The following PCDHGA11 variants were observed in gnomAD, a reference collection of about 807,000 sequenced individuals.
The protein encoded by PCDHGA11 is protocadherin gamma-A11.
Under a neutral mutation model 60.4 loss-of-function variants are expected in PCDHGA11, and 39 were observed. The observed-to-expected ratio is 0.65, with a 90% CI of 0.50 to 0.84. The LOEUF (loss-of-function observed/expected upper bound fraction) is 0.84. Among genes scored for constraint, PCDHGA11 ranks in the 40% least tolerant of loss-of-function variants. The probability of loss-of-function intolerance (pLI) is 0.00; values close to 1 mark genes in which losing one functional copy is unlikely to be tolerated. For missense variants in PCDHGA11, 1,165 were observed against 1,197.7 expected (o/e 0.97, Z 0.40); for synonymous variants, 533 against 510.3 (o/e 1.04, Z -0.60).
At chr5:141,501,326 CACACACA>C (rs1562200783) in intron 2 of PCDHGA11, among the ~76,000 whole-genome samples, 10 of 151,784 alleles carry the variant, frequency 6.6e-5, no homozygotes, top group African/African-American at 1.9e-4. Flanking sequence ...CACACACACA[CACACACA>C]CCCCAAACTC....
Position 141,487,399 on chromosome 5 carries a change from G to T in PCDHGA11, c.2434-7408G>T, listed in dbSNP as rs749826036. 6.2e-7 allele frequency: 1 copy of T among 1,614,140 alleles called. No individual in the cohort carries two copies. The highest frequency in any genetic ancestry group is 8.5e-7 in the Non-Finnish European group (1 of 1,180,014). ...TCACCAGATCTCGAAGGAGGGAGGG[G>T]CTTCCCCCTTCCAATGGGATCCTCC... On this transcript the variant is annotated intron_variant, in intron 1 of 3. Transcript: ENST00000398587. The surrounding 1 kb of genome is among the most constrained non-coding windows in gnomAD (Gnocchi z 5.0).
At chr5:141,424,129 T>G in intron 1 of PCDHGA11, 1 of 492,066 alleles carries the variant, frequency 2.0e-6, no homozygotes, top group Non-Finnish European at 2.7e-6. Context: ...TCCTGTTGAT[T>G]TAATAGCATG....
At chr5:141,475,046 T>C (rs1430484084) in intron 1 of PCDHGA11, among the ~76,000 whole-genome samples, 1 of 152,274 alleles carries the variant, frequency 6.6e-6, no homozygotes, top group African/African-American at 2.4e-5. Context: ...CTTTGTATTT[T>C]CTAAAGATTT....
intron 1 of PCDHGA11, among the ~76,000 whole-genome samples, chr5:141,467,039 A>G (rs1467529268): frequency 2.6e-5 from 4 of 150,960 alleles, no homozygotes; most frequent in Non-Finnish European, 5.9e-5. Context: ...TTTTTTGTGT[A>G]ATGAATCAAT....
chr5:141,470,538 A>G (rs2099232733), intron 1 of PCDHGA11, among the ~76,000 whole-genome samples: 1 of 152,140 alleles, frequency 6.6e-6, no homozygotes, highest in African/African-American at 2.4e-5. Context: ...GTATCAGGTA[A>G]TATTTATTGA....
At position 141,492,138 on chromosome 5, in the gene PCDHGA11, T is replaced by C. The variant is rs577884713; in HGVS notation, c.2434-2669T>C. ...ATTTCTCCCCAGCTCCCAGCATCTG[T>C]GACTTCACTGTTACCCTCCCTATCC... On this transcript the variant is annotated intron_variant, in intron 1 of 3. Coordinates refer to ENST00000398587, the MANE Select transcript of PCDHGA11 (RefSeq NM_018914.3). 2.4e-3 allele frequency among the ~76,000 whole-genome samples: 366 copies of C among 152,312 alleles called. 1 individual carries two copies. Among genetic ancestry groups the C allele is most frequent in the Non-Finnish European group, 3.5e-3 (238 of 68,014 alleles).
rs201424832 is a variant in PCDHGA11 at position 141,490,802 on chromosome 5, C to T, written c.2434-4005C>T. On this transcript the variant is annotated intron_variant, in intron 1 of 3. Transcript: ENST00000398587. This position sits in a 1 kb window ranked among gnomAD's most constrained non-coding sequence, Gnocchi z 5.4. Reference sequence around the variant, plus strand: ...GATGGACGGATCTTTGCCCAGCGTACCTTTGACTATGAATTGCTGCAGATG... The same window carrying T: ...GATGGACGGATCTTTGCCCAGCGTATCTTTGACTATGAATTGCTGCAGATG... 1 of 1,613,944 alleles carries T rather than the reference C, an allele frequency of 6.2e-7. No homozygotes were observed. Among genetic ancestry groups the T allele is most frequent in the East Asian group, 2.2e-5 (1 of 44,886 alleles).
Position 141,476,220 on chromosome 5 carries a change from A to G in PCDHGA11, c.2434-18587A>G, listed in dbSNP as rs770978000. On this transcript the variant is annotated intron_variant, in intron 1 of 3. Coordinates refer to ENST00000398587, the MANE Select transcript of PCDHGA11 (RefSeq NM_018914.3). This position sits in a 1 kb window ranked among gnomAD's most constrained non-coding sequence, Gnocchi z 7.6. Reference sequence around the variant, plus strand: ...AACAAGGCTTCCACGGTCATTCACTATGAGATCCCGGAGGAAAGAGAGAAG... The same window carrying G: ...AACAAGGCTTCCACGGTCATTCACTGTGAGATCCCGGAGGAAAGAGAGAAG... 44 of 1,613,884 alleles carry G rather than the reference A, an allele frequency of 2.7e-5. No individual in the cohort carries two copies. The highest frequency in any genetic ancestry group is 3.4e-5 in the Non-Finnish European group (40 of 1,180,004).
chr5:141,444,494 A>G (rs892854259), intron 1 of PCDHGA11, among the ~76,000 whole-genome samples: 1 of 152,010 alleles, frequency 6.6e-6, no homozygotes, highest in Admixed American at 6.6e-5. Flanking sequence ...ATATTGTGTA[A>G]TACTTTGCTC....
chr5:141,497,512 T>C (rs903352739), intron 2 of PCDHGA11, among the ~76,000 whole-genome samples: 2 of 151,896 alleles, frequency 1.3e-5, no homozygotes, highest in Admixed American at 1.3e-4. Flanking sequence ...TCTGCTTCCT[T>C]AGTTAACTTG....
At chr5:141,496,076 C>A (rs2099765713) in intron 2 of PCDHGA11, among the ~76,000 whole-genome samples, 1 of 152,010 alleles carries the variant, frequency 6.6e-6, no homozygotes, top group Non-Finnish European at 1.5e-5. Context: ...GCACACACAA[C>A]CCCCCACCCA....
In PCDHGA11 at chr5:141,481,399, T is replaced by G. The variant is rs35677249; in HGVS notation, c.2434-13408T>G. 1.9e-3 allele frequency among the ~76,000 whole-genome samples: 284 copies of G among 152,356 alleles called. 1 individual carries two copies. Among genetic ancestry groups the G allele is most frequent in the Middle Eastern group, 0.01 (3 of 294 alleles). ...TTCTTTTTGGAGGGATGTGACAAAA[T>G]TCTTGTATAATTAGATTGTGATGAT... is the stretch of plus-strand genomic sequence containing the variant. On this transcript the variant is annotated intron_variant, in intron 1 of 3. Transcript: ENST00000398587.
At chr5:141,461,328 A>G (rs2154567322) in intron 1 of PCDHGA11, among the ~76,000 whole-genome samples, 1 of 152,282 alleles carries the variant, frequency 6.6e-6, no homozygotes, top group East Asian at 1.9e-4. Flanking sequence ...AATAATGGCC[A>G]TTCTTGCAGG....
rs201006002 is a variant in PCDHGA11, at chr5:141,432,497, C to T, written c.2433+8837C>T. 7 of 1,614,062 alleles carry T rather than the reference C, an allele frequency of 4.3e-6. 1 individual carries two copies. In the South Asian group the frequency reaches 6.6e-5, roughly 15 times the overall value. On this transcript the variant is annotated intron_variant, in intron 1 of 3. Transcript: ENST00000398587. This position sits in a 1 kb window ranked among gnomAD's most constrained non-coding sequence, Gnocchi z 6.0. Reference sequence around the variant, plus strand: ...TTCCACTGGCGTGGAGCTGGCTCCCCGCTCCGCAGAGCCCGGCTACCTGGT... The same window carrying T: ...TTCCACTGGCGTGGAGCTGGCTCCCTGCTCCGCAGAGCCCGGCTACCTGGT...
chr5:141,447,078 G>A (rs531206989), intron 1 of PCDHGA11, among the ~76,000 whole-genome samples: 5 of 152,018 alleles, frequency 3.3e-5, no homozygotes, highest in Non-Finnish European at 7.4e-5. Context: ...TTTAATTTTT[G>A]TTGTTTAATT....
rs1445356223 is a variant in PCDHGA11, at chr5:141,490,414, G to T, written c.2434-4393G>T. On this transcript the variant is annotated intron_variant, in intron 1 of 3. Transcript: ENST00000398587. This position sits in a 1 kb window ranked among gnomAD's most constrained non-coding sequence, Gnocchi z 5.4. ...TGAAGTGAGCCTTGATATCTCTCCGGACCTGCCATTTCAGATTAAGCCTTC... is the reference window on the plus strand; with the variant it reads ...TGAAGTGAGCCTTGATATCTCTCCGTACCTGCCATTTCAGATTAAGCCTTC... The T allele has an allele frequency of 1.2e-6, 2 of 1,614,138 alleles. No homozygotes were observed. The highest frequency in any genetic ancestry group is 1.7e-6 in the Non-Finnish European group (2 of 1,180,024).
Position 141,423,092 on chromosome 5 carries a change from A to T in PCDHGA11, c.1865A>T (p.Glu622Val), listed in dbSNP as rs2096708373. 3.1e-6 allele frequency: 5 copies of T among 1,613,952 alleles called. No individual in the cohort carries two copies. The highest frequency in any genetic ancestry group is 2.2e-5 in the South Asian group (2 of 91,078). Residue 622 changes from glutamate to valine, a missense_variant, in exon 1 of 4, where the codon GAG becomes GTG. Physicochemically the swap from Glu to Val is moderately radical, Grantham distance 121. Coordinates refer to ENST00000398587, the MANE Select transcript of PCDHGA11 (RefSeq NM_018914.3). ...GAGCCGGGACTCTTCGCGGTGGGGG[A>T]GCACACGGGCGAGGTGCGTACAGCG... ...ASEPGLFAVG[E>V]HTGEVRTARA... is the part of the protein sequence containing the mutation.
chr5:141,504,461 C>T (rs1485490028), intron 2 of PCDHGA11, among the ~76,000 whole-genome samples: 1 of 151,900 alleles, frequency 6.6e-6, no homozygotes, highest in Non-Finnish European at 1.5e-5. Flanking sequence ...GTGGGGCAGC[C>T]GCTGGGATGG....
chr5:141,426,873 C>T (rs1299082117), intron 1 of PCDHGA11: 1 of 456,702 alleles, frequency 2.2e-6, no homozygotes, highest in East Asian at 6.9e-5. Context: ...GCTGGAGAAG[C>T]CCCTGGGCCA....
Sources: allele counts gnomAD v4.1 joint callset (sites outside exome capture counted in the v4.1 genomes callset), GRCh38; gene constraint gnomAD v4.1.1; non-coding constraint Gnocchi (gnomAD v3.1); transcripts MANE v1.5; gene names NCBI Gene and HGNC (gene_info 2026-07-23, HGNC 2026-07-21).